VCAN: variants seen among roughly 807,000 people sequenced by gnomAD.
The protein encoded by VCAN is versican core protein.
A neutral mutation model predicts 245.5 loss-of-function variants in VCAN; 44 were observed. That is an observed-to-expected ratio of 0.18 (90% confidence interval 0.14 to 0.23). The LOEUF (loss-of-function observed/expected upper bound fraction) is 0.23, where lower values mean the gene tolerates loss of function less well. Ranked by LOEUF, VCAN falls within the 10% of genes least tolerant of loss-of-function variation. The pLI, the probability that VCAN is intolerant of heterozygous loss-of-function variation, is 1.00. For synonymous variants in VCAN, 1,413 were observed against 1,437.0 expected, an observed-to-expected ratio of 0.98 and a Z score of 0.38; for missense variants, 3,793 against 4,057.9, an observed-to-expected ratio of 0.93 and a Z score of 1.77.
At chr5:83,488,415 A>G (rs140602155) in intron 2 of VCAN, among the ~76,000 whole-genome samples, 52 of 152,340 alleles carry the variant, frequency 3.4e-4, no homozygotes, top group Admixed American at 5.9e-4. Context: ...GAGCTAAAAG[A>G]TTCCTTGATT....
chr5:83,515,957 G>A (rs914180567), intron 6 of VCAN, among the ~76,000 whole-genome samples: 2 of 152,326 alleles, frequency 1.3e-5, no homozygotes, highest in African/African-American at 4.8e-5. Context: ...AATTGGCCGG[G>A]CGCGGTCGCT....
intron 4 of VCAN, 23 bp downstream of exon 4, chr5:83,493,743 G>T (rs780849009): frequency 6.2e-7 from 1 of 1,614,120 alleles, no homozygotes; most frequent in Non-Finnish European, 8.5e-7. Context: ...GGGGCCACAG[G>T]CTTCATTATT....
intron 5 of VCAN, among the ~76,000 whole-genome samples, chr5:83,504,868 G>A (rs370677901): frequency 6.6e-6 from 1 of 152,114 alleles, no homozygotes; most frequent in Non-Finnish European, 1.5e-5. Context: ...GTTCCACGTG[G>A]CTGGGGAGGC....
rs758230688 is a variant in VCAN at position 83,537,380 on chromosome 5, G to A, written c.4377G>A (p.Thr1459=). 2.6e-5 allele frequency: 42 copies of A among 1,613,812 alleles called. No homozygotes were observed. In the Middle Eastern group the frequency reaches 2.0e-3, roughly 76 times the overall value. ...SDTHPFVIAK[T]ELSTAVQPNE... Reference sequence around the variant, plus strand: ...CTCATCCATTTGTAATAGCCAAAACGGAATTGTCTACTGCTGTGCAACCTA... The same window carrying A: ...CTCATCCATTTGTAATAGCCAAAACAGAATTGTCTACTGCTGTGCAACCTA... Residue 1459 remains threonine, a synonymous_variant, in exon 8 of 15, where the codon ACG becomes ACA. Coordinates refer to ENST00000265077, the MANE Select transcript of VCAN (RefSeq NM_004385.5).
At chr5:83,526,473 C>T (rs566253083) in intron 7 of VCAN, among the ~76,000 whole-genome samples, 184 of 152,148 alleles carry the variant, frequency 1.2e-3, no homozygotes, top group African/African-American at 4.2e-3. Flanking sequence ...AGGGGGACAT[C>T]GAGAACCTCA....
Position 83,541,551 on chromosome 5 carries a change from C to A in VCAN, c.8548C>A (p.Pro2850Thr), listed in dbSNP as rs755019615. 1.7e-5 allele frequency: 27 copies of A among 1,613,732 alleles called. No individual in the cohort carries two copies. Among genetic ancestry groups the A allele is most frequent in the Non-Finnish European group, 2.2e-5 (26 of 1,179,998 alleles). The change falls in exon 8 of 15, where the codon CCA (proline) becomes ACA (threonine). Residue 2850 changes from proline (P) to threonine (T), a missense_variant. This residue lies in a region of VCAN where 3,182 missense variants were observed against 3,250.3 expected (regional missense o/e 0.98). Transcript: ENST00000265077. ...HTEIPQPSALPGIDVGSSVMS... is the reference protein window; with the variant it reads ...HTEIPQPSALTGIDVGSSVMS... ...AGAGATCCCCCAGCCCAGTGCTCTG[C>A]CAGGAATAGACGTCGGCTCATCTGT...
At position 83,521,746 on chromosome 5, in the gene VCAN, C is replaced by T. The variant is rs745573590; in HGVS notation, c.3440C>T (p.Thr1147Ile). ...EQKYETEGSS[T>I]TGFTSSLSPF... ...AAATATGAAACAGAAGGTAGTAGTACAACAGGATTTACATCATCTTTGAGT... is the reference window on the plus strand; with the variant it reads ...AAATATGAAACAGAAGGTAGTAGTATAACAGGATTTACATCATCTTTGAGT... Residue 1147 changes from threonine to isoleucine, a missense_variant, in exon 7 of 15, where the codon ACA becomes ATA. Around this residue, in one of 5 missense-constraint regions of VCAN, gnomAD observed 3,182 missense variants for 3,250.3 expected, o/e 0.98. Transcript: ENST00000265077. 3 of 1,614,030 alleles carry T rather than the reference C, an allele frequency of 1.9e-6. No homozygotes were observed. Among genetic ancestry groups the T allele is most frequent in the African/African-American group, 2.7e-5 (2 of 74,914 alleles).
chr5:83,501,836 G>C (rs1481402609), intron 5 of VCAN, among the ~76,000 whole-genome samples: 1 of 152,144 alleles, frequency 6.6e-6, no homozygotes, highest in Non-Finnish European at 1.5e-5. Context: ...AGCCAGCTAG[G>C]ATTCTGATAT....
At chr5:83,543,617 T>C (rs771043110) in intron 8 of VCAN, among the ~76,000 whole-genome samples, 23 of 152,224 alleles carry the variant, frequency 1.5e-4, no homozygotes, top group Non-Finnish European at 2.6e-4. Context: ...AATGATAATC[T>C]AGTAATTTGG....
At chr5:83,478,760 C>A (rs1253892051) in intron 1 of VCAN, among the ~76,000 whole-genome samples, 1 of 152,072 alleles carries the variant, frequency 6.6e-6, no homozygotes. Flanking sequence ...ATTCTTTTAA[C>A]AAATATTTAC....
At chr5:83,504,918 G>A (rs1745438143) in intron 5 of VCAN, among the ~76,000 whole-genome samples, 1 of 152,042 alleles carries the variant, frequency 6.6e-6, no homozygotes, top group Admixed American at 6.6e-5. Flanking sequence ...CTACTTAGAT[G>A]GTGGCAGCAA....
rs374494007 is a variant in VCAN at position 83,540,098 on chromosome 5, G to A, written c.7095G>A (p.Trp2365Ter). 6.2e-7 allele frequency: 1 copy of A among 1,613,748 alleles called. No homozygotes were observed. Among genetic ancestry groups the A allele is most frequent in the Non-Finnish European group, 8.5e-7 (1 of 1,179,978 alleles). ...ATCCTCAAAATCAGACTGTCAGGTG[G>A]GCAGAAGAAATCCAGACTAGTAGAC... is the stretch of plus-strand genomic sequence containing the variant. ...IGHPQNQTVR[W>*]AEEIQTSRPQ... The change falls in exon 8 of 15, where the codon TGG becomes TGA. Residue 2365 changes from tryptophan (W) to a stop codon, truncating the protein, a stop_gained. Transcript: ENST00000265077. LOFTEE classifies it high-confidence loss of function.
At chr5:83,561,179 G>T in intron 12 of VCAN, among the ~76,000 whole-genome samples, 1 of 152,034 alleles carries the variant, frequency 6.6e-6, no homozygotes, top group African/African-American at 2.4e-5. Context: ...TGCTTCCTGG[G>T]AAATTATCAC....
At chr5:83,479,548 A>G (rs1215530344) in intron 1 of VCAN, among the ~76,000 whole-genome samples, 1 of 152,084 alleles carries the variant, frequency 6.6e-6, no homozygotes, top group Non-Finnish European at 1.5e-5. Context: ...TCACTCTCAT[A>G]TCTCTCAGGT....
rs981943444 is a variant in VCAN at position 83,520,310 on chromosome 5, T to C, written c.2004T>C (p.Ile668=). 6.2e-7 allele frequency: 1 copy of C among 1,613,730 alleles called. No individual in the cohort carries two copies. The highest frequency in any genetic ancestry group is 8.5e-7 in the Non-Finnish European group (1 of 1,179,960). The change falls in exon 7 of 15, where the codon ATT becomes ATC. Residue 668 remains isoleucine, a synonymous_variant. Coordinates refer to ENST00000265077, the MANE Select transcript of VCAN (RefSeq NM_004385.5). ...GTGATAAAATATTAGTAGAGGGAAT[T>C]TCCACAGTTATTTATCCTTCTCTAC... The part of the protein sequence containing the change: ...YSGDKILVEG[I]STVIYPSLQT...
intron 6 of VCAN, among the ~76,000 whole-genome samples, chr5:83,514,452 A>AT (rs1274338760): frequency 0.028 from 2,344 of 83,728 alleles, 32 homozygotes; most frequent in African/African-American, 0.065. Flanking sequence ...GTGTGTGTGT[A>AT]TTTTTTTTTT....
intron 1 of VCAN, among the ~76,000 whole-genome samples, chr5:83,479,196 T>A (rs1744527019): frequency 6.6e-6 from 1 of 152,174 alleles, no homozygotes; most frequent in African/African-American, 2.4e-5. Context: ...AGCTGAAGTA[T>A]CCTAGAAAGT....
At chr5:83,527,929 A>G (rs1321200035) in intron 7 of VCAN, among the ~76,000 whole-genome samples, 1 of 152,196 alleles carries the variant, frequency 6.6e-6, no homozygotes, top group African/African-American at 2.4e-5. Flanking sequence ...GGCATTATCT[A>G]AAACAAATAC....
At chr5:83,575,081 C>T (rs987432552) in intron 13 of VCAN, among the ~76,000 whole-genome samples, 4 of 152,012 alleles carry the variant, frequency 2.6e-5, no homozygotes, top group Admixed American at 6.6e-5. Flanking sequence ...AAAATATAAA[C>T]CTATTTGATT....
Sources: allele counts gnomAD v4.1 joint callset (sites outside exome capture counted in the v4.1 genomes callset), GRCh38; gene constraint gnomAD v4.1.1; regional missense constraint gnomAD v4.1.1; transcripts MANE v1.5; gene names NCBI Gene and HGNC (gene_info 2026-07-23, HGNC 2026-07-21).